Variants in ATAD2B observed in about 807,000 individuals in gnomAD.
The protein encoded by ATAD2B is ATPase family AAA domain-containing protein 2B.
ATAD2B carries 40 observed loss-of-function variants against 167.6 expected under a neutral mutation model. That is an observed-to-expected ratio of 0.24 (90% CI 0.19 to 0.31). The LOEUF (loss-of-function observed/expected upper bound fraction) is 0.31. Among genes scored for constraint, ATAD2B ranks in the 10% least tolerant of loss-of-function variants. The pLI is 1.00. For missense variants in ATAD2B, 1,242 were observed against 1,757.2 expected, an observed-to-expected ratio of 0.71 and a Z score of 5.24; for synonymous variants, 579 against 596.5, an observed-to-expected ratio of 0.97 and a Z score of 0.43.
At chr2:23,777,061 A>C (rs911445448) in intron 22 of ATAD2B, among the ~76,000 whole-genome samples, 1 of 152,174 alleles carries the variant, frequency 6.6e-6, no homozygotes, top group Non-Finnish European at 1.5e-5. Context: ...CAAGGAGAGA[A>C]AATTTGGACA....
At chr2:23,835,561 T>C (rs1416181652) in intron 13 of ATAD2B, among the ~76,000 whole-genome samples, 1 of 152,174 alleles carries the variant, frequency 6.6e-6, no homozygotes, top group East Asian at 1.9e-4. Context: ...TCTGGGGTGA[T>C]GAAAATGTTC....
chr2:23,840,628 TA>T (rs1690730620), intron 13 of ATAD2B, among the ~76,000 whole-genome samples: 1 of 152,242 alleles, frequency 6.6e-6, no homozygotes. Context: ...TAAGGCACAT[TA>T]TATGATCAAT....
chr2:23,693,234 C>T, the ATAD2B span: 21 of 1,522,210 alleles, frequency 1.4e-5, no homozygotes, highest in Non-Finnish European at 1.8e-5. Context: ...GCTTCCCGGG[C>T]CTTTGGGTCA....
chr2:23,810,926 G>T (rs989550426), intron 17 of ATAD2B, among the ~76,000 whole-genome samples: 2 of 151,954 alleles, frequency 1.3e-5, no homozygotes, highest in Non-Finnish European at 2.9e-5. Context: ...CAGGAGAATC[G>T]CTTGAACCCG....
At chr2:23,891,023 T>C (rs1333347584) in intron 2 of ATAD2B, among the ~76,000 whole-genome samples, 2 of 148,390 alleles carry the variant, frequency 1.3e-5, no homozygotes, top group African/African-American at 4.9e-5. Flanking sequence ...TACTGAGATT[T>C]TTTTTTTTTT....
chr2:23,738,887 AG>A, the ATAD2B span, among the ~76,000 whole-genome samples: 4 of 152,204 alleles, frequency 2.6e-5, no homozygotes, highest in Non-Finnish European at 2.9e-5. Flanking sequence ...AAAAAAAGGC[AG>A]GGGTTGCAAT....
chr2:23,694,302 C>T, the ATAD2B span, among the ~76,000 whole-genome samples: 6 of 152,340 alleles, frequency 3.9e-5, no homozygotes, highest in Non-Finnish European at 7.3e-5. Context: ...ATAGCCATTT[C>T]GCTACACGCG....
rs183817321 is a variant in ATAD2B, at chr2:23,784,728, A to C, written c.2973+1299T>G. The stretch of plus-strand genomic sequence containing the variant: ...CACACATATCACATTTATTTAAAAT[A>C]ATTTTTTAATCGGCTGATAGTTTTA... On this transcript the variant is annotated intron_variant, in intron 21 of 27. Coordinates refer to ENST00000238789, the MANE Select transcript of ATAD2B (RefSeq NM_017552.4). Among the ~76,000 whole-genome samples, 3 of 152,166 alleles carry C rather than the reference A, an allele frequency of 2.0e-5. No homozygotes were observed. The East Asian group carries it at 5.8e-4, about 29-fold the overall frequency.
chr2:23,741,358 T>C, the ATAD2B span, among the ~76,000 whole-genome samples: 1 of 152,050 alleles, frequency 6.6e-6, no homozygotes, highest in African/African-American at 2.4e-5. Context: ...AACAGAGATA[T>C]AGATCAATGG....
At chr2:23,742,937 T>C in the ATAD2B span, among the ~76,000 whole-genome samples, 1 of 152,018 alleles carries the variant, frequency 6.6e-6, no homozygotes, top group Non-Finnish European at 1.5e-5. Flanking sequence ...GTGTAACATT[T>C]AGACACACAC....
At chr2:23,903,071 C>A (rs11901719) in intron 1 of ATAD2B, among the ~76,000 whole-genome samples, 129 of 151,900 alleles carry the variant, frequency 8.5e-4, no homozygotes, top group African/African-American at 3.1e-3. Context: ...CGTGTCTCTA[C>A]AAAAATATAG....
intron 1 of ATAD2B, among the ~76,000 whole-genome samples, chr2:23,909,473 T>C (rs994457532): frequency 8.6e-5 from 13 of 151,622 alleles, no homozygotes; most frequent in Non-Finnish European, 1.6e-4. Flanking sequence ...CACATACATA[T>C]ATATATACAT....
chr2:23,801,730 A>G (rs980191095), intron 18 of ATAD2B, among the ~76,000 whole-genome samples: 1 of 151,354 alleles, frequency 6.6e-6, no homozygotes, highest in Non-Finnish European at 1.5e-5. Flanking sequence ...TTTCTTTATT[A>G]AAAAAAAATC....
intron 6 of ATAD2B, among the ~76,000 whole-genome samples, chr2:23,881,730 T>C (rs1697938173): frequency 6.6e-6 from 1 of 152,018 alleles, no homozygotes; most frequent in Non-Finnish European, 1.5e-5. Flanking sequence ...AAAAGGTTTT[T>C]CTTTTTTTTT....
chr2:23,875,469 A>C (rs1311543063), intron 8 of ATAD2B, among the ~76,000 whole-genome samples: 1 of 152,068 alleles, frequency 6.6e-6, no homozygotes, highest in East Asian at 1.9e-4. Context: ...ACTGCACTCC[A>C]GCCTCCAGCC....
chr2:23,694,186 C>A, the ATAD2B span, among the ~76,000 whole-genome samples: 18 of 152,362 alleles, frequency 1.2e-4, no homozygotes, highest in Non-Finnish European at 5.9e-5. Flanking sequence ...GAATGTCCTG[C>A]AGATCCGTCT....
At chr2:23,786,417 C>A (rs1028088218) in intron 20 of ATAD2B, among the ~76,000 whole-genome samples, 194 bp from the exon 21 acceptor site, 1 of 152,058 alleles carries the variant, frequency 6.6e-6, no homozygotes, top group African/African-American at 2.4e-5. Flanking sequence ...AGTATACCTG[C>A]ACAAACCTAG....
Position 23,869,658 on chromosome 2 carries a change from C to A in ATAD2B, c.1076+5G>T. The A allele has an allele frequency of 6.5e-7, 1 of 1,545,038 alleles. No homozygotes were observed. The highest frequency in any genetic ancestry group is 8.8e-7 in the Non-Finnish European group (1 of 1,138,588). On this transcript the variant is annotated splice_donor_5th_base_variant and intron_variant, in intron 9 of 27. Coordinates refer to ENST00000238789, the MANE Select transcript of ATAD2B (RefSeq NM_017552.4). ...CATGGAAATAACATTACAAATTTTA[C>A]TAACCTATTTCTTGCTCTTGCCATG...
intron 17 of ATAD2B, 146 bp downstream of exon 17, chr2:23,819,601 T>C (rs916563509): frequency 1.7e-5 from 10 of 575,276 alleles, no homozygotes; most frequent in Admixed American, 1.6e-4. Context: ...AAAGAATACA[T>C]AGTAAAAGTT....
Sources: gnomAD v4.1 joint callset for allele counts (sites outside exome capture counted in the v4.1 genomes callset) on GRCh38, gnomAD v4.1.1 for gene constraint, MANE v1.5 for transcripts, NCBI Gene and HGNC (gene_info 2026-07-23, HGNC 2026-07-21) for gene names.